The following LEUTX variants were observed in gnomAD, a reference collection of about 807,000 sequenced individuals.
The protein encoded by LEUTX is leucine twenty homeobox, also known as paired-like homeodomain transcription factor LEUTX.
A neutral mutation model predicts 4.5 loss-of-function variants in LEUTX; 5 were observed. The observed-to-expected ratio is 1.11, with a 90% confidence interval of 0.58 to 2.34. The LOEUF (loss-of-function observed/expected upper bound fraction) is 2.34. LEUTX is among the 30% of genes most tolerant of loss of function. LEUTX has a pLI of 0.01. For synonymous variants in LEUTX, 89 were observed against 85.1 expected (o/e 1.05, Z -0.25); for missense variants, 233 against 239.4 (o/e 0.97, Z 0.18).
chr19:39,783,955 C>T (rs1967925511), intron 1 of LEUTX, among the ~76,000 whole-genome samples: 1 of 152,074 alleles, frequency 6.6e-6, no homozygotes, highest in Admixed American at 6.6e-5. Context: ...TCTGCTGTTC[C>T]TTTTGCCATG....
At chr19:39,785,540 C>T (rs1323909454) in intron 2 of LEUTX, among the ~76,000 whole-genome samples, 158 bp from the exon 3 acceptor site, 2 of 152,192 alleles carry the variant, frequency 1.3e-5, no homozygotes, top group Admixed American at 6.5e-5. Flanking sequence ...ACCCACTTTT[C>T]CCTTGAAACC....
rs534950736 is a variant in LEUTX, at chr19:39,785,934, G to C, written c.396G>C (p.Arg132Ser). 101 of 1,551,738 alleles carry C rather than the reference G, an allele frequency of 6.5e-5. No homozygotes were observed. In the East Asian group the frequency reaches 2.5e-3, roughly 38 times the overall value. Reference sequence around the variant, plus strand: ...CTGGAGGAGCCAGCGCCTCTGCGAGGGTTTCATCCTGGGATTCTCAGTCAT... The same window carrying C: ...CTGGAGGAGCCAGCGCCTCTGCGAGCGTTTCATCCTGGGATTCTCAGTCAT... ...KNPGGASASA[R>S]VSSWDSQSYD... The change falls in exon 3 of 3, where the codon AGG (arginine) becomes AGC (serine). Residue 132 changes from arginine to serine, a missense_variant. Coordinates refer to ENST00000638280, the MANE Select transcript of LEUTX (RefSeq NM_001382345.1).
chr19:39,778,575 C>T (rs978887550), upstream of LEUTX, among the ~76,000 whole-genome samples: 1 of 152,026 alleles, frequency 6.6e-6, no homozygotes, highest in Non-Finnish European at 1.5e-5. Context: ...ACTCATTGAT[C>T]CCAAGTGACA....
intron 1 of LEUTX, among the ~76,000 whole-genome samples, chr19:39,781,751 C>T (rs974804900): frequency 6.6e-6 from 1 of 152,194 alleles, no homozygotes. Context: ...TGTGTATAGC[C>T]TGCAGAGCTG....
chr19:39,784,468 C>G (rs1967934460), intron 1 of LEUTX, 59 bp from the exon 2 acceptor site: 1 of 695,852 alleles, frequency 1.4e-6, no homozygotes, highest in South Asian at 1.5e-5. Flanking sequence ...TGATGTAGTA[C>G]TCTCCTCATT....
At chr19:39,776,689 T>A (rs566709407), upstream of LEUTX, 15 of 455,672 alleles carry the variant, frequency 3.3e-5, no homozygotes, top group South Asian at 2.3e-4. Flanking sequence ...AGGCGATTTT[T>A]TTCTTTCATT....
intron 1 of LEUTX, among the ~76,000 whole-genome samples, chr19:39,782,521 A>G (rs1267672229): frequency 6.6e-6 from 1 of 152,098 alleles, no homozygotes; most frequent in African/African-American, 2.4e-5. Flanking sequence ...TCTTTCCTTT[A>G]TAAATTACCC....
In LEUTX at chr19:39,784,636, G is replaced by A; in HGVS notation, c.117G>A (p.Gly39=). The change falls in exon 2 of 3, where the codon GGG becomes GGA. Residue 39 remains glycine (G), a synonymous_variant. Transcript: ENST00000638280. ...KTMHPSLATM[G]KLASKLQLDL... ...TGCACCCAAGTTTGGCTACAATGGG[G>A]AAACTGGCTTCAAAGCTACAACTTG... The A allele has an allele frequency of 6.4e-7, 1 of 1,551,642 alleles. No homozygotes were observed. Among genetic ancestry groups the A allele is most frequent in the East Asian group, 2.4e-5 (1 of 40,920 alleles).
At chr19:39,780,560 G>A (rs1398734465) in intron 1 of LEUTX, among the ~76,000 whole-genome samples, 2 of 152,064 alleles carry the variant, frequency 1.3e-5, no homozygotes, top group African/African-American at 4.8e-5. Context: ...TTTAGTCAGA[G>A]ATATTTTTAG....
intron 2 of LEUTX, 114 bp from the exon 3 acceptor site, chr19:39,785,584 T>C (rs1599618883): frequency 1.3e-6 from 1 of 778,878 alleles, no homozygotes; most frequent in East Asian, 2.7e-5. Flanking sequence ...GCTTCCCTTG[T>C]TCCAATAAAT....
Position 39,786,157 on chromosome 19 carries a change from G to A in LEUTX, c.*22G>A, listed in dbSNP as rs983001717. 4.0e-6 allele frequency: 6 copies of A among 1,487,812 alleles called. No homozygotes were observed. In the East Asian group the frequency reaches 1.5e-4, roughly 37 times the overall value. The allele number at this position is 1,487,812 out of a possible 1,614,324, so 92.2% of individuals were successfully genotyped here. A position where few individuals can be genotyped will look rare whatever the true frequency, so the allele number is the denominator to read the frequency against. On this transcript the variant is annotated 3_prime_UTR_variant, in exon 3 of 3. Transcript: ENST00000638280. ...GTAACTTCTTACACATCACTTCTAG[G>A]GGAGGTCTGGATCTGACCCACTGAG...
intron 2 of LEUTX, 23 bp from the exon 3 acceptor site, chr19:39,785,675 C>A: frequency 6.5e-7 from 1 of 1,538,474 alleles, no homozygotes; most frequent in Non-Finnish European, 8.8e-7. Context: ...CCATTATTAA[C>A]CTCCCCCCTC....
At chr19:39,782,686 G>A (rs1225616152) in intron 1 of LEUTX, among the ~76,000 whole-genome samples, 1 of 152,026 alleles carries the variant, frequency 6.6e-6, no homozygotes, top group Non-Finnish European at 1.5e-5. Flanking sequence ...TCCCATCTGT[G>A]GCTTAAAAAC....
upstream of LEUTX, among the ~76,000 whole-genome samples, chr19:39,776,883 AG>A (rs1034351849): frequency 6.6e-6 from 1 of 152,186 alleles, no homozygotes; most frequent in Non-Finnish European, 1.5e-5. Context: ...AAAAAAAGAA[AG>A]AAAAAAGGGA....
intron 1 of LEUTX, among the ~76,000 whole-genome samples, chr19:39,783,673 T>A (rs1005137697): frequency 7.9e-5 from 12 of 152,060 alleles, no homozygotes; most frequent in Admixed American, 2.6e-4. Flanking sequence ...CTATTTTTTT[T>A]TATTTTTTTT....
intron 1 of LEUTX, among the ~76,000 whole-genome samples, chr19:39,780,176 T>C (rs1967864986): frequency 6.6e-6 from 1 of 152,210 alleles, no homozygotes; most frequent in Non-Finnish European, 1.5e-5. Context: ...TTTCCTATTG[T>C]TTAATACTAA....
chr19:39,786,228 A>G lies in LEUTX; in HGVS notation c.*93A>G. 1.1e-6 allele frequency: 1 copy of G among 926,532 alleles called. No individual in the cohort carries two copies. The highest frequency in any genetic ancestry group is 1.5e-6 in the Non-Finnish European group (1 of 645,848). 57.4% of individuals were successfully genotyped at this position (926,532 alleles called of 1,614,324 possible). On this transcript the variant is annotated 3_prime_UTR_variant, in exon 3 of 3. Transcript: ENST00000638280. ...AATGGTTTGACCCCAGTCTAAGTAG[A>G]TCAGGGGCTGGGAATTTATCTTTTT... is the stretch of plus-strand genomic sequence containing the variant.
upstream of LEUTX, chr19:39,776,545 G>C (rs1440900359): frequency 1.1e-5 from 5 of 452,216 alleles, no homozygotes; most frequent in Non-Finnish European, 1.8e-5. Flanking sequence ...GCCTCTGAAA[G>C]TAAGGGGAGG....
chr19:39,784,073 T>A lies in LEUTX; in HGVS notation c.8-454T>A, dbSNP rs139889213. On this transcript the variant is annotated intron_variant, in intron 1 of 2. Coordinates refer to ENST00000638280, the MANE Select transcript of LEUTX (RefSeq NM_001382345.1). ...TGCTGTCTATCTCATTTCTTAGGTC[T>A]AGTGGATAAAAGGGCGTCCATTGTC... Among the ~76,000 whole-genome samples the A allele has an allele frequency of 6.0e-4, 92 of 152,278 alleles. No individual in the cohort carries two copies. In the East Asian group the frequency reaches 0.013, roughly 21 times the overall value.
Sources: gnomAD v4.1 joint callset for allele counts (sites outside exome capture counted in the v4.1 genomes callset) on GRCh38, gnomAD v4.1.1 for gene constraint, MANE v1.5 for transcripts, NCBI Gene and HGNC (gene_info 2026-07-23, HGNC 2026-07-21) for gene names.